SPAG6: variants seen among roughly 807,000 people sequenced by gnomAD.
The protein encoded by SPAG6 is sperm-associated antigen 6.
Under a neutral mutation model 58.5 loss-of-function variants are expected in SPAG6, and 49 were observed. The ratio of observed to expected loss-of-function variants is 0.84; its 90% CI spans 0.67 to 1.06. The LOEUF (loss-of-function observed/expected upper bound fraction) is 1.06, where lower values mean the gene tolerates loss of function less well. Ranked by LOEUF, SPAG6 falls within the 50% of genes least tolerant of loss-of-function variation. The pLI, the probability that SPAG6 is intolerant of heterozygous loss-of-function variation, is 0.00. For missense variants in SPAG6, 560 were observed against 611.3 expected (o/e 0.92, Z 0.89); for synonymous variants, 233 against 225.6 (o/e 1.03, Z -0.29).
At chr10:22,377,702 G>A (rs1192684322) in intron 4 of SPAG6, among the ~76,000 whole-genome samples, 1 of 152,190 alleles carries the variant, frequency 6.6e-6, no homozygotes, top group Non-Finnish European at 1.5e-5. Flanking sequence ...GCTGACCAGG[G>A]ACCACGTTTA....
intron 9 of SPAG6, among the ~76,000 whole-genome samples, chr10:22,404,020 A>G (rs1324746995): frequency 7.0e-6 from 1 of 142,200 alleles, no homozygotes; most frequent in Non-Finnish European, 1.5e-5. Context: ...AGTTCATTGT[A>G]GATTCTGGAT....
chr10:22,392,044 C>G (rs1834195713), intron 8 of SPAG6, 124 bp downstream of exon 8: 1 of 654,270 alleles, frequency 1.5e-6, no homozygotes, highest in Admixed American at 2.9e-5. Context: ...TTTATCAGAA[C>G]TGACTTCACT....
intron 8 of SPAG6, among the ~76,000 whole-genome samples, chr10:22,398,923 A>G (rs1445341701): frequency 6.6e-6 from 1 of 152,004 alleles, no homozygotes; most frequent in Non-Finnish European, 1.5e-5. Flanking sequence ...GGTTCAAGCG[A>G]TTCTCCTGCC....
chr10:22,412,322 A>G (rs372427086), intron 10 of SPAG6: 11 of 573,726 alleles, frequency 1.9e-5, no homozygotes, highest in Admixed American at 6.4e-5. Context: ...AAGTTGCAAC[A>G]TGTCTGTTAA....
At chr10:22,415,701 G>T (rs1250602618) in intron 10 of SPAG6, among the ~76,000 whole-genome samples, 4 of 152,010 alleles carry the variant, frequency 2.6e-5, no homozygotes, top group Admixed American at 1.3e-4. Context: ...CAAGCATCTG[G>T]GCATAGATAA....
At chr10:22,402,098 C>G (rs768147790) in intron 9 of SPAG6, among the ~76,000 whole-genome samples, 13 of 152,034 alleles carry the variant, frequency 8.6e-5, no homozygotes, top group Non-Finnish European at 1.5e-4. Flanking sequence ...AGTTTGGTTA[C>G]CCATAAAATG....
rs1460463364 is a variant in SPAG6 at position 22,391,738 on chromosome 10, C to T, written c.1015C>T (p.Gln339Ter). The T allele has an allele frequency of 1.2e-6, 2 of 1,613,332 alleles. No homozygotes were observed. Among genetic ancestry groups the T allele is most frequent in the South Asian group, 2.2e-5 (2 of 91,058 alleles). The change falls in exon 8 of 11, where the codon CAG becomes TAG. Residue 339 changes from glutamine (Q) to a stop codon, truncating the protein, a stop_gained. Transcript: ENST00000376624. LOFTEE classifies it high-confidence loss of function. Reference sequence around the variant, plus strand: ...TTGATCCACGCTGCAGGGTGTACCCCAGTTGTCAGTCTGCTTGTCAGAAGA... The same window carrying T: ...TTGATCCACGCTGCAGGGTGTACCCTAGTTGTCAGTCTGCTTGTCAGAAGA... The part of the protein sequence containing the change: ...MAVIISKGVP[Q>*]LSVCLSEEPE...
At chr10:22,388,202 T>A (rs142855653) in intron 6 of SPAG6, among the ~76,000 whole-genome samples, 91 of 151,844 alleles carry the variant, frequency 6.0e-4, no homozygotes, top group African/African-American at 2.0e-3. Context: ...TTTAGCAGGA[T>A]CCCTAACCTC....
intron 2 of SPAG6, among the ~76,000 whole-genome samples, chr10:22,350,124 TAGA>T: frequency 6.6e-6 from 1 of 152,122 alleles, no homozygotes; most frequent in South Asian, 2.1e-4. Context: ...TTTTTTGGTA[TAGA>T]AGGAGTCTTA....
intron 9 of SPAG6, among the ~76,000 whole-genome samples, chr10:22,406,169 C>T (rs1019068203): frequency 3.3e-5 from 5 of 152,088 alleles, no homozygotes; most frequent in African/African-American, 1.2e-4. Flanking sequence ...TTATTTCTTG[C>T]CTTCTGCTAG....
intron 10 of SPAG6, chr10:22,411,449 C>T (rs188457952): frequency 1.4e-4 from 36 of 250,934 alleles, no homozygotes; most frequent in African/African-American, 6.7e-4. Flanking sequence ...ATATAGAGTT[C>T]AAAGTAACCA....
chr10:22,417,542 T>G lies in SPAG6; in HGVS notation c.*854T>G, dbSNP rs1282612017. On this transcript the variant is annotated 3_prime_UTR_variant, in exon 11 of 11. Transcript: ENST00000376624. ...AATACCATCAGGCTCAGAGTTTACATGCATTTTTACTTAGGAAGTGGTAAA... is the reference window on the plus strand; with the variant it reads ...AATACCATCAGGCTCAGAGTTTACAGGCATTTTTACTTAGGAAGTGGTAAA... 1 of 152,220 alleles carries G rather than the reference T, an allele frequency of 6.6e-6. No homozygotes were observed. The highest frequency in any genetic ancestry group is 1.5e-5 in the Non-Finnish European group (1 of 68,022). 9.4% of individuals were successfully genotyped at this position (152,220 alleles called of 1,614,324 possible).
intron 2 of SPAG6, among the ~76,000 whole-genome samples, chr10:22,346,699 T>G (rs1261753727): frequency 2.6e-5 from 4 of 152,256 alleles, no homozygotes; most frequent in African/African-American, 9.6e-5. Context: ...CAAGAATACT[T>G]AAGTGTAATG....
chr10:22,381,129 TCCTC>T (rs1302931217), intron 4 of SPAG6, among the ~76,000 whole-genome samples: 1 of 152,162 alleles, frequency 6.6e-6, no homozygotes, highest in African/African-American at 2.4e-5. Context: ...TAGTGGTTCT[TCCTC>T]TGTGACCCCA....
At chr10:22,403,866 T>A (rs1834478993) in intron 9 of SPAG6, among the ~76,000 whole-genome samples, 1 of 150,704 alleles carries the variant, frequency 6.6e-6, no homozygotes, top group African/African-American at 2.5e-5. Context: ...GGTTTTGATT[T>A]GCATTTCTCT....
intron 2 of SPAG6, among the ~76,000 whole-genome samples, chr10:22,349,702 CA>C (rs2132027127): frequency 6.6e-6 from 1 of 152,244 alleles, no homozygotes; most frequent in East Asian, 1.9e-4. Context: ...TATAGTAGAA[CA>C]TAGCAAATCA....
intron 10 of SPAG6, among the ~76,000 whole-genome samples, chr10:22,412,140 C>G (rs936908124): frequency 6.6e-6 from 1 of 151,896 alleles, no homozygotes; most frequent in Non-Finnish European, 1.5e-5. Flanking sequence ...TGAGCCACCG[C>G]GACCGCCCGG....
At chr10:22,365,115 T>G in intron 3 of SPAG6, 96 bp downstream of exon 3, 1 of 776,354 alleles carries the variant, frequency 1.3e-6, no homozygotes, top group Non-Finnish European at 2.0e-6. Flanking sequence ...GGCATAAAAT[T>G]ATTAGGGGGT....
At chr10:22,355,159 C>A (rs1836833649) in intron 2 of SPAG6, among the ~76,000 whole-genome samples, 1 of 152,100 alleles carries the variant, frequency 6.6e-6, no homozygotes, top group Non-Finnish European at 1.5e-5. Flanking sequence ...GGCACATAGG[C>A]CAGTTTTTCT....
Sources: allele counts gnomAD v4.1 joint callset (sites outside exome capture counted in the v4.1 genomes callset), GRCh38; gene constraint gnomAD v4.1.1; transcripts MANE v1.5; gene names NCBI Gene and HGNC (gene_info 2026-07-23, HGNC 2026-07-21).